ZNF704: variants seen among roughly 807,000 people sequenced by gnomAD.
ZNF704 encodes zinc finger protein 704.
Under a neutral mutation model 44.7 loss-of-function variants are expected in ZNF704, and 10 were observed. That is an observed-to-expected ratio of 0.22 (90% CI 0.14 to 0.38). The LOEUF is 0.38. Ranked by LOEUF, ZNF704 falls within the 10% of genes least tolerant of loss-of-function variation. ZNF704 has a pLI of 1.00. For synonymous variants in ZNF704, 211 were observed against 207.6 expected, an observed-to-expected ratio of 1.02 and a Z score of -0.14; for missense variants, 390 against 545.5, an observed-to-expected ratio of 0.71 and a Z score of 2.84.
chr8:80,693,248 TGAG>T, intron 2 of ZNF704, 141 bp from the exon 3 acceptor site: 1 of 700,718 alleles, frequency 1.4e-6, no homozygotes, highest in Non-Finnish European at 2.5e-6. Flanking sequence ...ATTTTATAGA[TGAG>T]GAAGCTGAAG....
chr8:80,665,107 T>C, intron 5 of ZNF704, 25 bp from the exon 6 acceptor site: 1 of 1,610,624 alleles, frequency 6.2e-7, no homozygotes, highest in Non-Finnish European at 8.5e-7. Context: ...AGTAAAACAA[T>C]CATACTAAGC....
rs1400128746 is a variant in ZNF704, at chr8:80,753,864, C to T, written c.222-60757G>A. 2.6e-5 allele frequency among the ~76,000 whole-genome samples: 4 copies of T among 152,176 alleles called. No individual in the cohort carries two copies. The East Asian group carries it at 5.8e-4, about 22-fold the overall frequency. On this transcript the variant is annotated intron_variant, in intron 2 of 8. Coordinates refer to ENST00000327835, the MANE Select transcript of ZNF704 (RefSeq NM_001033723.3). Reference sequence around the variant, plus strand: ...GCAGTGCCAAATAGCTAGGCCTCTCCGACCCTCAAAGGCAGACCCCATGAG... The same window carrying T: ...GCAGTGCCAAATAGCTAGGCCTCTCTGACCCTCAAAGGCAGACCCCATGAG...
intron 2 of ZNF704, among the ~76,000 whole-genome samples, chr8:80,701,273 C>T (rs535280890): frequency 1.0e-3 from 153 of 152,146 alleles, no homozygotes; most frequent in African/African-American, 3.4e-3. Flanking sequence ...AGGCCCTTCA[C>T]CCGCCCTCGC....
chr8:80,881,960 A>G, the ZNF704 span, among the ~76,000 whole-genome samples: 1 of 152,194 alleles, frequency 6.6e-6, no homozygotes. Context: ...AGTGTATTCA[A>G]ATATTACAGT....
At chr8:80,718,849 T>C (rs1819116360) in intron 2 of ZNF704, among the ~76,000 whole-genome samples, 1 of 152,262 alleles carries the variant, frequency 6.6e-6, no homozygotes, top group Non-Finnish European at 1.5e-5. Context: ...CCAAGTACAG[T>C]ACACATCTAT....
intron 2 of ZNF704, among the ~76,000 whole-genome samples, chr8:80,753,734 A>T (rs529218138): frequency 3.3e-5 from 5 of 152,358 alleles, no homozygotes; most frequent in Admixed American, 2.6e-4. Flanking sequence ...AAAAATGTTT[A>T]AAGTAATATC....
chr8:80,644,141 T>C lies in ZNF704; in HGVS notation c.1033-1012A>G, dbSNP rs146116618. Among the ~76,000 whole-genome samples, 219 of 152,308 alleles carry C rather than the reference T, an allele frequency of 1.4e-3. 2 individuals are homozygous for C. The highest frequency in any genetic ancestry group is 5.2e-3 in the African/African-American group (217 of 41,576). On this transcript the variant is annotated intron_variant, in intron 7 of 8. Coordinates refer to ENST00000327835, the MANE Select transcript of ZNF704 (RefSeq NM_001033723.3). ...CAACGACCCCACGCAGTATTACTATTGTTCCCATTTTACAGATTAGGAGAC... is the reference window on the plus strand; with the variant it reads ...CAACGACCCCACGCAGTATTACTATCGTTCCCATTTTACAGATTAGGAGAC...
intron 2 of ZNF704, among the ~76,000 whole-genome samples, chr8:80,807,538 C>T (rs1039526821): frequency 1.3e-5 from 2 of 151,682 alleles, no homozygotes; most frequent in African/African-American, 4.8e-5. Context: ...TTGACCCCCC[C>T]CAAAAAAAAG....
intron 8 of ZNF704, among the ~76,000 whole-genome samples, chr8:80,642,478 A>G (rs543822727): frequency 1.3e-5 from 2 of 152,336 alleles, no homozygotes; most frequent in African/African-American, 4.8e-5. Flanking sequence ...GAACAAAGGG[A>G]TAACATACAT....
intron 2 of ZNF704, among the ~76,000 whole-genome samples, chr8:80,724,101 G>A (rs1329598737): frequency 1.3e-5 from 2 of 152,166 alleles, no homozygotes; most frequent in Non-Finnish European, 2.9e-5. Context: ...CTTTTTCATA[G>A]TATGTCATCA....
chr8:80,727,577 C>CGCAG (rs1205571001), intron 2 of ZNF704, among the ~76,000 whole-genome samples: 1 of 151,860 alleles, frequency 6.6e-6, no homozygotes, highest in Non-Finnish European at 1.5e-5. Context: ...TCTTGTTTGG[C>CGCAG]GCAGGCAGGC....
chr8:80,819,267 A>C lies in ZNF704; in HGVS notation c.221+2107T>G, dbSNP rs76243031. ...ATGTACTTTTAAGTACATTCAGTGA[A>C]CCATAAAAGGTGGAAAATATCCTAC... On this transcript the variant is annotated intron_variant, in intron 2 of 8. Coordinates refer to ENST00000327835, the MANE Select transcript of ZNF704 (RefSeq NM_001033723.3). Among the ~76,000 whole-genome samples the C allele has an allele frequency of 5.4e-4, 82 of 152,282 alleles. No individual in the cohort carries two copies. The East Asian group carries it at 0.015, about 28-fold the overall frequency.
intron 2 of ZNF704, among the ~76,000 whole-genome samples, chr8:80,720,096 C>T (rs1233310494): frequency 6.6e-6 from 1 of 152,184 alleles, no homozygotes; most frequent in Non-Finnish European, 1.5e-5. Context: ...CTCTAAAATC[C>T]ACGCATTTCC....
chr8:80,821,996 G>T (rs182715138), intron 1 of ZNF704, among the ~76,000 whole-genome samples: 2 of 152,258 alleles, frequency 1.3e-5, no homozygotes, highest in Admixed American at 1.3e-4. Context: ...TAATAGAAGA[G>T]AGCTAATGTA....
At chr8:80,801,676 G>A (rs1276508491) in intron 2 of ZNF704, among the ~76,000 whole-genome samples, 1 of 152,070 alleles carries the variant, frequency 6.6e-6, no homozygotes, top group Non-Finnish European at 1.5e-5. Context: ...GTGTTAAGGG[G>A]GAAATTTATA....
At chr8:80,680,586 G>C (rs905342692) in intron 4 of ZNF704, among the ~76,000 whole-genome samples, 4 of 152,028 alleles carry the variant, frequency 2.6e-5, no homozygotes, top group African/African-American at 9.7e-5. Flanking sequence ...GCTCTTTCAG[G>C]GTCAAGAGGT....
At chr8:80,704,445 AATCTCCAGTGATAGGC>A (rs1473886711) in intron 2 of ZNF704, among the ~76,000 whole-genome samples, 1 of 152,166 alleles carries the variant, frequency 6.6e-6, no homozygotes, top group Non-Finnish European at 1.5e-5. Flanking sequence ...AAATCCTTGG[AATCTCCAGTGATAGGC>A]ATCTTTTTGT....
intron 2 of ZNF704, among the ~76,000 whole-genome samples, chr8:80,775,447 A>G (rs1381263748): frequency 2.0e-5 from 3 of 152,222 alleles, no homozygotes; most frequent in African/African-American, 7.2e-5. Flanking sequence ...GGCATCTGAG[A>G]AGCCATGCAA....
intron 1 of ZNF704, among the ~76,000 whole-genome samples, chr8:80,835,566 T>A (rs1462422231): frequency 1.3e-5 from 2 of 152,134 alleles, no homozygotes; most frequent in Non-Finnish European, 2.9e-5. Context: ...GCTCAGTAAA[T>A]CAGCACTTCA....
Sources: gnomAD v4.1 joint callset for allele counts (sites outside exome capture counted in the v4.1 genomes callset) on GRCh38, gnomAD v4.1.1 for gene constraint, MANE v1.5 for transcripts, NCBI Gene and HGNC (gene_info 2026-07-23, HGNC 2026-07-21) for gene names.